BCAS4: variants seen among roughly 807,000 people sequenced by gnomAD.
BCAS4 encodes the protein breast carcinoma amplified sequence 4.
In BCAS4, 9 loss-of-function variants were observed where a neutral mutation model predicts 15.7. The observed-to-expected ratio is 0.57, with a 90% CI of 0.34 to 1.00. The LOEUF (loss-of-function observed/expected upper bound fraction) is 1.00, where lower values mean the gene tolerates loss of function less well. Among genes scored for constraint, BCAS4 ranks in the 50% least tolerant of loss-of-function variants. The pLI, the probability that BCAS4 is intolerant of heterozygous loss-of-function variation, is 0.02. For synonymous variants in BCAS4, 101 were observed against 99.5 expected, an observed-to-expected ratio of 1.02 and a Z score of -0.09; for missense variants, 225 against 239.1, an observed-to-expected ratio of 0.94 and a Z score of 0.39.
intron 1 of BCAS4, among the ~76,000 whole-genome samples, chr20:50,799,622 G>A (rs1203219140): frequency 6.6e-6 from 1 of 152,164 alleles, no homozygotes; most frequent in South Asian, 2.1e-4. Flanking sequence ...GGCCTTAGGG[G>A]GCCTGGGCCT....
chr20:50,822,500 A>G (rs1282474134), intron 2 of BCAS4, among the ~76,000 whole-genome samples: 2 of 152,158 alleles, frequency 1.3e-5, no homozygotes, highest in Non-Finnish European at 2.9e-5. Context: ...CACCCACTAG[A>G]ATGGCTAGAT....
At chr20:50,853,530 A>G (rs1160025080) in intron 4 of BCAS4, among the ~76,000 whole-genome samples, 1 of 151,582 alleles carries the variant, frequency 6.6e-6, no homozygotes, top group Non-Finnish European at 1.5e-5. Context: ...CATAATGCAA[A>G]CCCCATTCGC....
intron 1 of BCAS4, among the ~76,000 whole-genome samples, chr20:50,803,938 G>A (rs2087959579): frequency 6.6e-6 from 1 of 152,148 alleles, no homozygotes; most frequent in Non-Finnish European, 1.5e-5. Flanking sequence ...AAGCCTGGAA[G>A]TGACCTGGTC....
chr20:50,840,928 C>A, intron 3 of BCAS4: 1 of 571,880 alleles, frequency 1.7e-6, no homozygotes. Flanking sequence ...CTCCCGGGTT[C>A]AAGTAATTTT....
chr20:50,796,942 C>T (rs1300147345), intron 1 of BCAS4, among the ~76,000 whole-genome samples: 2 of 151,852 alleles, frequency 1.3e-5, no homozygotes, highest in Admixed American at 6.6e-5. Context: ...GTGATCCTCC[C>T]ACCTCAGCCT....
chr20:50,807,921 T>C (rs944589578), intron 1 of BCAS4, among the ~76,000 whole-genome samples: 16 of 149,456 alleles, frequency 1.1e-4, no homozygotes, highest in Admixed American at 4.0e-4. Flanking sequence ...TTTTTTTTTT[T>C]CTTCAGACGG....
At position 50,828,072 on chromosome 20, in the gene BCAS4, G is replaced by A. The variant is rs144699041; in HGVS notation, c.163-2207G>A. On this transcript the variant is annotated intron_variant, in intron 2 of 4. Coordinates refer to ENST00000371608, the MANE Select transcript of BCAS4 (RefSeq NM_198799.4). ...TTTCAAAATATGAGATGAGGAAACC[G>A]AGGCCCAGGGAGGCTAGGGGACCAG... 5.9e-4 allele frequency among the ~76,000 whole-genome samples: 89 copies of A among 151,190 alleles called. No individual in the cohort carries two copies. The East Asian group carries it at 8.2e-3, about 14-fold the overall frequency.
intron 4 of BCAS4, among the ~76,000 whole-genome samples, chr20:50,850,833 A>G (rs73909812): frequency 0.053 from 7,992 of 152,174 alleles, 443 homozygotes; most frequent in East Asian, 0.2. Flanking sequence ...AGTCATCAGC[A>G]GATGTTCTGA....
chr20:50,851,594 C>A lies in BCAS4; in HGVS notation c.399+9694C>A, dbSNP rs1420727214. ...TGGGCCCTATGTGGAAGCACCCCAA[C>A]TTTGCCCTGGTTGGTGGGACCCTCA... is the stretch of plus-strand genomic sequence containing the variant. On this transcript the variant is annotated intron_variant, in intron 4 of 4. Transcript: ENST00000371608. The surrounding 1 kb of genome is among the most constrained non-coding windows in gnomAD (Gnocchi z 4.3). Among the ~76,000 whole-genome samples, 2 of 152,202 alleles carry A rather than the reference C, an allele frequency of 1.3e-5. No individual in the cohort carries two copies. Among genetic ancestry groups the A allele is most frequent in the African/African-American group, 2.4e-5 (1 of 41,436 alleles).
At chr20:50,825,157 G>A (rs2088264642) in intron 2 of BCAS4, among the ~76,000 whole-genome samples, 1 of 152,220 alleles carries the variant, frequency 6.6e-6, no homozygotes, top group Admixed American at 6.5e-5. Flanking sequence ...CCAGCACATG[G>A]TGAGAGTTCA....
intron 1 of BCAS4, among the ~76,000 whole-genome samples, chr20:50,803,670 A>G (rs747511553): frequency 2.6e-5 from 4 of 151,932 alleles, no homozygotes; most frequent in Non-Finnish European, 5.9e-5. Flanking sequence ...TAGCAAGACC[A>G]TGTCTCTACA....
At chr20:50,797,802 A>T (rs923556746) in intron 1 of BCAS4, among the ~76,000 whole-genome samples, 1 of 151,668 alleles carries the variant, frequency 6.6e-6, no homozygotes, top group African/African-American at 2.4e-5. Context: ...AGTAGCTGGG[A>T]TTACAGGCAT....
At chr20:50,798,790 A>C (rs2123741969) in intron 1 of BCAS4, among the ~76,000 whole-genome samples, 1 of 152,224 alleles carries the variant, frequency 6.6e-6, no homozygotes, top group East Asian at 1.9e-4. Context: ...CCCATTCCTG[A>C]GCACATACTG....
chr20:50,855,415 C>T (rs1978702456), intron 4 of BCAS4, among the ~76,000 whole-genome samples: 2 of 152,284 alleles, frequency 1.3e-5, no homozygotes, highest in Admixed American at 1.3e-4. Context: ...CTGCCTGTGT[C>T]TCTGTCCCAT....
At chr20:50,825,651 A>T (rs1964812) in intron 2 of BCAS4, among the ~76,000 whole-genome samples, 59,565 of 152,058 alleles carry the variant, frequency 0.39, 14,826 homozygotes, top group African/African-American at 0.72. Flanking sequence ...CCAAGGTGGG[A>T]GGATCACTTG....
chr20:50,847,211 C>G (rs1253324349), intron 4 of BCAS4, among the ~76,000 whole-genome samples: 2 of 151,818 alleles, frequency 1.3e-5, no homozygotes, highest in Non-Finnish European at 1.5e-5. Flanking sequence ...CTCAGCCTCC[C>G]GAGTAGCTGG....
At chr20:50,852,209 C>T (rs1247618646) in intron 4 of BCAS4, among the ~76,000 whole-genome samples, 3 of 152,168 alleles carry the variant, frequency 2.0e-5, no homozygotes, top group African/African-American at 4.8e-5. Flanking sequence ...ATTCTTCACA[C>T]CCCAGGAACT....
intron 4 of BCAS4, among the ~76,000 whole-genome samples, chr20:50,846,241 A>C (rs570043327): frequency 6.6e-6 from 1 of 152,350 alleles, no homozygotes. Context: ...TAACATTGTG[A>C]GGTTTTAATA....
intron 4 of BCAS4, among the ~76,000 whole-genome samples, chr20:50,859,990 G>A (rs573114467): frequency 6.6e-6 from 1 of 152,224 alleles, no homozygotes; most frequent in African/African-American, 2.4e-5. Context: ...AAAAGAATTA[G>A]TTGGGCATAG....
Sources: gnomAD v4.1 joint callset for allele counts (sites outside exome capture counted in the v4.1 genomes callset) on GRCh38, gnomAD v4.1.1 for gene constraint, Gnocchi (gnomAD v3.1) non-coding constraint, MANE v1.5 for transcripts, NCBI Gene and HGNC (gene_info 2026-07-23, HGNC 2026-07-21) for gene names.